Variants in MBD5 observed in about 807,000 individuals in gnomAD.
MBD5 encodes methyl-CpG binding domain protein 5, also known as methyl-CpG-binding domain protein 5.
In MBD5, 13 loss-of-function variants were observed where a neutral mutation model predicts 117.3. The observed-to-expected ratio is 0.11, with a 90% CI of 0.07 to 0.18. The LOEUF (loss-of-function observed/expected upper bound fraction) is 0.18, where lower values mean the gene tolerates loss of function less well. Ranked by LOEUF, MBD5 falls within the 10% of genes least tolerant of loss-of-function variation. The pLI is 1.00. For missense variants in MBD5, 1,879 were observed against 2,093.8 expected (o/e 0.90, Z 2.00); for synonymous variants, 727 against 766.4 (o/e 0.95, Z 0.85).
At chr2:148,168,662 G>T (rs923719756) in intron 1 of MBD5, among the ~76,000 whole-genome samples, 4 of 152,074 alleles carry the variant, frequency 2.6e-5, no homozygotes, top group African/African-American at 9.7e-5. Context: ...AAGATCATTT[G>T]AGCCCAAGAG....
At chr2:148,455,696 ATTAC>A (rs1415575844) in intron 4 of MBD5, among the ~76,000 whole-genome samples, 9 of 151,948 alleles carry the variant, frequency 5.9e-5, no homozygotes, top group Admixed American at 3.9e-4. Flanking sequence ...AGATCCACAA[ATTAC>A]TTAATGGAGT....
At chr2:148,078,235 C>T (rs1203277495) in intron 1 of MBD5, among the ~76,000 whole-genome samples, 3 of 152,014 alleles carry the variant, frequency 2.0e-5, no homozygotes, top group Non-Finnish European at 4.4e-5. Flanking sequence ...CAAGTGATTC[C>T]TAAGGTTCTT....
Position 148,296,864 on chromosome 2 carries a change from A to ATTTTTTTTTTTTTT in MBD5, c.-679-45343_-679-45330dup, listed in dbSNP as rs757371602. ...AAGCATAGTTTGCTTTAGTTCTTCA[A>ATTTTTTTTTTTTTT]TTTTTTTTTTTTTTTTTTTTGGAGA... On this transcript the variant is annotated intron_variant, in intron 3 of 13. Coordinates refer to ENST00000642680, the MANE Select transcript of MBD5 (RefSeq NM_001378120.1). 8.4e-3 allele frequency among the ~76,000 whole-genome samples: 513 copies of ATTTTTTTTTTTTTT among 61,320 alleles called. 88 individuals are homozygous for ATTTTTTTTTTTTTT. The highest frequency in any genetic ancestry group is 0.027 in the African/African-American group (477 of 17,826). 40.2% of individuals were successfully genotyped at this position (61,320 alleles called of 152,430 possible). A position where few individuals can be genotyped will look rare whatever the true frequency, so the allele number is the denominator to read the frequency against.
intron 9 of MBD5, chr2:148,485,265 A>G (rs1256747802): frequency 1.3e-5 from 2 of 155,062 alleles, no homozygotes; most frequent in African/African-American, 4.8e-5. Context: ...AACCAAATCG[A>G]TGATTTGATT....
rs554005098 is a variant in MBD5, at chr2:148,306,786, T to G, written c.-679-35428T>G. Among the ~76,000 whole-genome samples the G allele has an allele frequency of 1.3e-5, 2 of 152,246 alleles. 1 individual carries two copies. Among genetic ancestry groups the G allele is most frequent in the South Asian group, 4.1e-4 (2 of 4,826 alleles). ...CAACTTCTAAGGGTCTGATAACAAT[T>G]TATTTGAAAAGAGAATTTGGTTGTT... On this transcript the variant is annotated intron_variant, in intron 3 of 13. Coordinates refer to ENST00000642680, the MANE Select transcript of MBD5 (RefSeq NM_001378120.1).
intron 4 of MBD5, among the ~76,000 whole-genome samples, chr2:148,453,061 T>A (rs1706775605): frequency 6.6e-6 from 1 of 152,166 alleles, no homozygotes. Context: ...TACCAGGAAC[T>A]GGGAATATGA....
At chr2:148,197,999 G>T (rs113297885) in intron 2 of MBD5, among the ~76,000 whole-genome samples, 10 of 151,842 alleles carry the variant, frequency 6.6e-5, no homozygotes, top group African/African-American at 2.2e-4. Context: ...GTTTTTAGTA[G>T]AAATGAGGTT....
chr2:148,119,908 C>CT (rs34565714), intron 1 of MBD5, among the ~76,000 whole-genome samples: 63,071 of 144,926 alleles, frequency 0.44, 13,577 homozygotes, highest in South Asian at 0.51. Flanking sequence ...TGTAATTTGC[C>CT]TTTTTTTTTT....
rs1179220331 is a variant in MBD5 at position 148,468,386 on chromosome 2, T to A, written c.443T>A (p.Val148Glu). The change falls in exon 8 of 14, where the codon GTA becomes GAA. Residue 148 changes from valine (V) to glutamate (E), a missense_variant. Val to Glu is a moderately radical substitution (Grantham distance 121). Around this residue, in one of 4 missense-constraint regions of MBD5, gnomAD observed 1,666 missense variants for 1,792.2 expected, o/e 0.93. Transcript: ENST00000642680. Reference protein sequence around the residue: ...VPSRAATPRSVRNKSHEGITN... With the variant: ...VPSRAATPRSERNKSHEGITN... ...TCTCGGGCAGCAACTCCAAGATCAGTAAGAAATAAGTCTCATGAAGGAATT... is the reference window on the plus strand; with the variant it reads ...TCTCGGGCAGCAACTCCAAGATCAGAAAGAAATAAGTCTCATGAAGGAATT... 2 of 1,613,668 alleles carry A rather than the reference T, an allele frequency of 1.2e-6. No homozygotes were observed. The highest frequency in any genetic ancestry group is 2.7e-5 in the African/African-American group (2 of 74,980).
intron 8 of MBD5, among the ~76,000 whole-genome samples, chr2:148,479,495 TAG>T (rs1165441991): frequency 5.3e-5 from 8 of 152,208 alleles, no homozygotes; most frequent in Admixed American, 2.6e-4. Flanking sequence ...GAGACTGTAT[TAG>T]GTCTTGGAAA....
chr2:148,171,775 T>C (rs927072625), intron 1 of MBD5, among the ~76,000 whole-genome samples: 2 of 152,194 alleles, frequency 1.3e-5, no homozygotes, highest in African/African-American at 4.8e-5. Flanking sequence ...AGTTGCAGGA[T>C]ACAAAAAATC....
intron 3 of MBD5, among the ~76,000 whole-genome samples, chr2:148,278,683 A>G (rs1194920301): frequency 1.3e-5 from 2 of 152,186 alleles, no homozygotes; most frequent in African/African-American, 4.8e-5. Context: ...ATCTAGAGGT[A>G]TGTGAAAAGG....
chr2:148,286,628 A>G (rs1701374411), intron 3 of MBD5, among the ~76,000 whole-genome samples: 2 of 152,178 alleles, frequency 1.3e-5, no homozygotes, highest in African/African-American at 4.8e-5. Flanking sequence ...ATAATTAATT[A>G]AGGTTTGCCT....
At chr2:148,365,231 G>T (rs1013836714) in intron 4 of MBD5, among the ~76,000 whole-genome samples, 1 of 152,136 alleles carries the variant, frequency 6.6e-6, no homozygotes. Context: ...ACCTGCTCCT[G>T]AATAACTACT....
intron 1 of MBD5, among the ~76,000 whole-genome samples, chr2:148,042,696 C>A (rs971271513): frequency 6.6e-6 from 1 of 152,056 alleles, no homozygotes; most frequent in Non-Finnish European, 1.5e-5. Context: ...AACCTCAAAT[C>A]TCTTACAAAG....
intron 4 of MBD5, among the ~76,000 whole-genome samples, chr2:148,385,329 C>T (rs1704316602): frequency 6.6e-6 from 1 of 152,228 alleles, no homozygotes; most frequent in Admixed American, 6.5e-5. Flanking sequence ...CAAAAGAAGA[C>T]ATTCATGCAG....
At chr2:148,446,181 G>A (rs566428176) in intron 4 of MBD5, among the ~76,000 whole-genome samples, 17 of 151,656 alleles carry the variant, frequency 1.1e-4, no homozygotes, top group Middle Eastern at 3.4e-3. Context: ...CATTGCTTTC[G>A]GTGTTTTAGA....
At chr2:148,284,536 C>T (rs575061614) in intron 3 of MBD5, among the ~76,000 whole-genome samples, 1 of 152,152 alleles carries the variant, frequency 6.6e-6, no homozygotes, top group East Asian at 1.9e-4. Flanking sequence ...GGGCAAGTTA[C>T]CCCCCTCTCA....
chr2:148,316,355 A>G (rs1702158152), intron 3 of MBD5, among the ~76,000 whole-genome samples: 1 of 152,222 alleles, frequency 6.6e-6, no homozygotes, highest in South Asian at 2.1e-4. Flanking sequence ...TAGGTCTTGT[A>G]AATGTTTTAA....
Sources: gnomAD v4.1 joint callset for allele counts (sites outside exome capture counted in the v4.1 genomes callset) on GRCh38, gnomAD v4.1.1 for gene constraint, gnomAD v4.1.1 regional missense constraint, MANE v1.5 for transcripts, NCBI Gene and HGNC (gene_info 2026-07-23, HGNC 2026-07-21) for gene names.